The following RPS6KC1 variants were observed in gnomAD, a reference collection of about 807,000 sequenced individuals.
RPS6KC1 encodes ribosomal protein S6 kinase C1.
Under a neutral mutation model 103.8 loss-of-function variants are expected in RPS6KC1, and 54 were observed. The ratio of observed to expected loss-of-function variants is 0.52; its 90% CI spans 0.42 to 0.65. The LOEUF is 0.65. Ranked by LOEUF, RPS6KC1 falls within the 30% of genes least tolerant of loss-of-function variation. The pLI is 0.00. For missense variants in RPS6KC1, 1,151 were observed against 1,253.8 expected, an observed-to-expected ratio of 0.92 and a Z score of 1.24; for synonymous variants, 439 against 438.7, an observed-to-expected ratio of 1.00 and a Z score of -0.01.
the RPS6KC1 span, among the ~76,000 whole-genome samples, chr1:213,378,858 T>A: frequency 6.6e-6 from 1 of 152,150 alleles, no homozygotes; most frequent in Admixed American, 6.5e-5. Flanking sequence ...ACCTGCCATG[T>A]TCATTCTGGA....
At chr1:213,308,957 C>T in the RPS6KC1 span, among the ~76,000 whole-genome samples, 30 of 152,292 alleles carry the variant, frequency 2.0e-4, 1 homozygote, top group African/African-American at 6.7e-4. Context: ...ATGGGCAAAG[C>T]GTTTGGCAAC....
At chr1:213,255,182 G>T (rs964382199) in intron 12 of RPS6KC1, among the ~76,000 whole-genome samples, 1 of 151,808 alleles carries the variant, frequency 6.6e-6, no homozygotes, top group South Asian at 2.1e-4. Context: ...TCCCATGCCT[G>T]TGGTCCTGGG....
the RPS6KC1 span, among the ~76,000 whole-genome samples, chr1:213,358,913 C>T: frequency 6.6e-6 from 1 of 152,192 alleles, no homozygotes; most frequent in African/African-American, 2.4e-5. Flanking sequence ...GCACTGTGGT[C>T]TGAGAGACAG....
At chr1:213,531,068 T>C in the RPS6KC1 span, among the ~76,000 whole-genome samples, 10 of 152,158 alleles carry the variant, frequency 6.6e-5, no homozygotes, top group African/African-American at 2.4e-4. Flanking sequence ...AAGACATTGC[T>C]GAGCTGAGGT....
chr1:213,499,419 A>G, the RPS6KC1 span, among the ~76,000 whole-genome samples: 1 of 152,080 alleles, frequency 6.6e-6, no homozygotes. Context: ...AGTAGGTCGG[A>G]GTGGTGGGGA....
At chr1:213,085,774 TCTG>T (rs2148613037) in intron 3 of RPS6KC1, among the ~76,000 whole-genome samples, 1 of 152,312 alleles carries the variant, frequency 6.6e-6, no homozygotes, top group South Asian at 2.1e-4. Flanking sequence ...CCCTAATTGA[TCTG>T]GACTCACATA....
At chr1:213,368,960 T>C in the RPS6KC1 span, among the ~76,000 whole-genome samples, 5 of 152,254 alleles carry the variant, frequency 3.3e-5, no homozygotes, top group Non-Finnish European at 5.9e-5. Context: ...AGGCCCACCA[T>C]AGCAAAGTCA....
chr1:213,068,093 T>A (rs2078491562), intron 1 of RPS6KC1, among the ~76,000 whole-genome samples: 1 of 152,192 alleles, frequency 6.6e-6, no homozygotes, highest in South Asian at 2.1e-4. Context: ...TAAAGTACAT[T>A]TGAATAGACC....
chr1:213,066,043 A>G (rs1456617530), intron 1 of RPS6KC1, among the ~76,000 whole-genome samples: 1 of 152,206 alleles, frequency 6.6e-6, no homozygotes, highest in Non-Finnish European at 1.5e-5. Flanking sequence ...TGCCTAACTC[A>G]TAGGTTGTTG....
chr1:213,626,418 C>T, the RPS6KC1 span, among the ~76,000 whole-genome samples: 519 of 152,266 alleles, frequency 3.4e-3, 3 homozygotes, highest in African/African-American at 0.012. Context: ...TGTGCAGAAG[C>T]TCTTTAGTTT....
At chr1:213,635,413 G>C in the RPS6KC1 span, among the ~76,000 whole-genome samples, 69 of 152,272 alleles carry the variant, frequency 4.5e-4, no homozygotes, top group East Asian at 7.3e-3. Flanking sequence ...ACATCAAAAA[G>C]CTTATCCACC....
At chr1:213,616,958 G>T in the RPS6KC1 span, among the ~76,000 whole-genome samples, 3 of 152,294 alleles carry the variant, frequency 2.0e-5, no homozygotes, top group Admixed American at 2.0e-4. Flanking sequence ...GTGGGATGTT[G>T]TTAACCTCTG....
chr1:213,383,117 T>A, the RPS6KC1 span, among the ~76,000 whole-genome samples: 1 of 152,162 alleles, frequency 6.6e-6, no homozygotes, highest in Non-Finnish European at 1.5e-5. Context: ...TCCTGCTGAG[T>A]GTCGACCCCC....
At chr1:213,479,053 T>C in the RPS6KC1 span, among the ~76,000 whole-genome samples, 5 of 152,108 alleles carry the variant, frequency 3.3e-5, no homozygotes, top group African/African-American at 1.2e-4. Flanking sequence ...TCATTCTCTG[T>C]TTTTAAAAAT....
chr1:213,355,153 G>T, the RPS6KC1 span, among the ~76,000 whole-genome samples: 5 of 152,188 alleles, frequency 3.3e-5, no homozygotes, highest in South Asian at 8.3e-4. Context: ...AGGGACAGAG[G>T]TTGCAGTGAA....
chr1:213,337,061 T>TCAA, the RPS6KC1 span, among the ~76,000 whole-genome samples: 1 of 152,238 alleles, frequency 6.6e-6, no homozygotes, highest in Non-Finnish European at 1.5e-5. Context: ...ATTGATGTTG[T>TCAA]TGAATGAACT....
At chr1:213,373,547 C>G in the RPS6KC1 span, among the ~76,000 whole-genome samples, 2,992 of 152,194 alleles carry the variant, frequency 0.02, 147 homozygotes, top group East Asian at 0.18. Context: ...GAAAACCCAT[C>G]CATAAGTAAC....
chr1:213,358,741 T>C, the RPS6KC1 span, among the ~76,000 whole-genome samples: 1 of 152,212 alleles, frequency 6.6e-6, no homozygotes, highest in Non-Finnish European at 1.5e-5. Context: ...GTCCCAGAGA[T>C]TCTGGTATGT....
At chr1:213,435,342 T>C in the RPS6KC1 span, among the ~76,000 whole-genome samples, 3 of 152,238 alleles carry the variant, frequency 2.0e-5, no homozygotes, top group Non-Finnish European at 4.4e-5. Flanking sequence ...CTGGTTCTGC[T>C]TTGAATAATT....
Sources: gnomAD v4.1 joint callset for allele counts (sites outside exome capture counted in the v4.1 genomes callset) on GRCh38, gnomAD v4.1.1 for gene constraint, MANE v1.5 for transcripts, NCBI Gene and HGNC (gene_info 2026-07-23, HGNC 2026-07-21) for gene names.